The following ADGRV1 variants were observed in gnomAD, a reference collection of about 807,000 sequenced individuals.
ADGRV1 encodes the protein G-protein coupled receptor 98.
In ADGRV1, 359 loss-of-function variants were observed where a neutral mutation model predicts 596.2. The ratio of observed to expected loss-of-function variants is 0.60; its 90% confidence interval spans 0.55 to 0.66. The LOEUF (loss-of-function observed/expected upper bound fraction) is 0.66. ADGRV1 is among the 30% of genes least tolerant of loss of function. The probability of loss-of-function intolerance (pLI) is 0.00; values close to 1 mark genes in which losing one functional copy is unlikely to be tolerated. For synonymous variants in ADGRV1, 2,681 were observed against 2,679.2 expected, an observed-to-expected ratio of 1.00 and a Z score of -0.02; for missense variants, 7,274 against 7,575.6, an observed-to-expected ratio of 0.96 and a Z score of 1.48.
At chr5:90,853,209 A>G (rs1159916541) in intron 79 of ADGRV1, 75 bp from the exon 80 acceptor site, 1 of 1,385,050 alleles carries the variant, frequency 7.2e-7, no homozygotes, top group African/African-American at 1.4e-5. Context: ...AGTGTAATGC[A>G]CTTTAACAAA....
At chr5:90,855,551 C>T (rs189547851) in intron 81 of ADGRV1, among the ~76,000 whole-genome samples, 190 bp from the exon 82 acceptor site, 27 of 152,292 alleles carry the variant, frequency 1.8e-4, no homozygotes, top group Admixed American at 1.7e-3. Context: ...CTTCTTAAGA[C>T]ATCCTGTGGA....
At chr5:90,900,329 CT>C (rs76476613) in intron 83 of ADGRV1, among the ~76,000 whole-genome samples, 1,306 of 127,348 alleles carry the variant, frequency 0.01, 5 homozygotes, top group South Asian at 0.024. Flanking sequence ...CATTGCCATT[CT>C]TTTTTTTTTT....
intron 1 of ADGRV1, among the ~76,000 whole-genome samples, chr5:90,588,932 G>A (rs1478475538): frequency 6.6e-6 from 1 of 152,110 alleles, no homozygotes; most frequent in Non-Finnish European, 1.5e-5. Flanking sequence ...AGAATTCTCA[G>A]CTGATTTTGC....
At chr5:90,993,059 A>G (rs1781099123) in intron 85 of ADGRV1, among the ~76,000 whole-genome samples, 2 of 147,072 alleles carry the variant, frequency 1.4e-5, no homozygotes, top group Admixed American at 1.4e-4. Flanking sequence ...TCTTTTTTCT[A>G]CTCTGAAATC....
chr5:90,728,932 A>C lies in ADGRV1; in HGVS notation c.10425A>C (p.Leu3475=). 1 of 1,596,746 alleles carries C rather than the reference A, an allele frequency of 6.3e-7. No individual in the cohort carries two copies. Among genetic ancestry groups the C allele is most frequent in the Non-Finnish European group, 8.6e-7 (1 of 1,166,562 alleles). The change falls in exon 49 of 90, where the codon CTA becomes CTC. Residue 3475 remains leucine, a splice_region_variant and synonymous_variant. Transcript: ENST00000405460. ...TAATATTTGCCGAAAATGTCTTTCT[A>C]GGTGAGAAGATAAAGTATTTGTAGT... ...IYLIFAENVF[L]GDQNSIDIFI...
chr5:90,676,000 C>T, intron 24 of ADGRV1, 80 bp from the exon 25 acceptor site: 1 of 1,164,160 alleles, frequency 8.6e-7, no homozygotes, highest in Non-Finnish European at 1.2e-6. Context: ...TCTGATTTTA[C>T]AAATTTGTGT....
intron 87 of ADGRV1, among the ~76,000 whole-genome samples, chr5:91,113,937 T>C (rs983743409): frequency 2.2e-5 from 3 of 138,036 alleles, no homozygotes; most frequent in Non-Finnish European, 3.1e-5. Context: ...AGAAAAAAAA[T>C]GCCAGGTGCA....
intron 85 of ADGRV1, among the ~76,000 whole-genome samples, chr5:91,055,391 T>G (rs977940173): frequency 1.0e-4 from 10 of 96,252 alleles, no homozygotes; most frequent in Non-Finnish European, 2.4e-4. Flanking sequence ...ATTTGCATAC[T>G]AAAGTTAATG....
At chr5:90,817,790 A>C (rs1041519504) in intron 75 of ADGRV1, among the ~76,000 whole-genome samples, 6 of 152,154 alleles carry the variant, frequency 3.9e-5, no homozygotes, top group African/African-American at 1.2e-4. Flanking sequence ...TTTTGGTACC[A>C]GTACCATGCT....
chr5:90,679,543 G>A lies in ADGRV1; in HGVS notation c.5444-6G>A, dbSNP rs772230235. ...GTGGGTTGTGTCTCTGTGTCTCCTT[G>A]TGAAGTAGCTGAACTCTTTAGGGTT... is the stretch of plus-strand genomic sequence containing the variant. On this transcript the variant is annotated splice_region_variant and splice_polypyrimidine_tract_variant and intron_variant, in intron 25 of 89. Coordinates refer to ENST00000405460, the MANE Select transcript of ADGRV1 (RefSeq NM_032119.4). 1 of 1,609,916 alleles carries A rather than the reference G, an allele frequency of 6.2e-7. No individual in the cohort carries two copies. The highest frequency in any genetic ancestry group is 8.5e-7 in the Non-Finnish European group (1 of 1,176,558).
chr5:90,677,548 T>C (rs894385215), intron 25 of ADGRV1, among the ~76,000 whole-genome samples: 3 of 152,206 alleles, frequency 2.0e-5, no homozygotes, highest in Non-Finnish European at 4.4e-5. Flanking sequence ...AAAATCCTTA[T>C]GTAATAGAAA....
At chr5:91,116,915 T>C (rs944067320) in intron 87 of ADGRV1, among the ~76,000 whole-genome samples, 6 of 152,196 alleles carry the variant, frequency 3.9e-5, no homozygotes, top group Admixed American at 3.9e-4. Context: ...GCTCATTACC[T>C]TCATAAAGAA....
Position 90,781,527 on chromosome 5 carries a change from G to C in ADGRV1, c.13180G>C (p.Asp4394His). The C allele has an allele frequency of 6.2e-7, 1 of 1,611,640 alleles. No homozygotes were observed. Among genetic ancestry groups the C allele is most frequent in the Non-Finnish European group, 8.5e-7 (1 of 1,178,698 alleles). Residue 4394 changes from aspartate (D) to histidine (H), a missense_variant, in exon 65 of 90, where the codon GAT (aspartate) becomes CAT (histidine). Asp to His is a moderately conservative substitution (Grantham distance 81, BLOSUM62 -1). Coordinates refer to ENST00000405460, the MANE Select transcript of ADGRV1 (RefSeq NM_032119.4). ...TGTTCGCATCATAATAATGAAAAAT[G>C]ATAACGCAGAAGGCATCATTGAATT... The part of the protein sequence containing the change: ...SIVRIIIMKN[D>H]NAEGIIEFDP...
chr5:90,567,897 G>A (rs1378325706), intron 1 of ADGRV1, among the ~76,000 whole-genome samples: 3 of 151,728 alleles, frequency 2.0e-5, no homozygotes, highest in Non-Finnish European at 4.4e-5. Context: ...CTGCCACCAC[G>A]CCCAGCTAAT....
rs780717997 is a variant in ADGRV1 at position 90,699,811 on chromosome 5, C to T, written c.8155+2665C>T. ...TCACCTGAAAACAATATTGTAGCCT[C>T]GTCAGTTTCCAACAGCTAATTATCT... On this transcript the variant is annotated intron_variant, in intron 34 of 89. Coordinates refer to ENST00000405460, the MANE Select transcript of ADGRV1 (RefSeq NM_032119.4). Among the ~76,000 whole-genome samples the T allele has an allele frequency of 5.9e-5, 9 of 152,020 alleles. 1 individual carries two copies. Among genetic ancestry groups the T allele is most frequent in the South Asian group, 4.2e-4 (2 of 4,802 alleles).
chr5:90,836,666 A>G (rs2438381), intron 77 of ADGRV1, among the ~76,000 whole-genome samples: 149,950 of 152,306 alleles, frequency 0.98, 73,851 homozygotes, highest in East Asian at 1. Context: ...CTGTATCAAT[A>G]ACAAAATCCT....
At chr5:90,982,623 C>G (rs1780168113) in intron 84 of ADGRV1, among the ~76,000 whole-genome samples, 2 of 152,214 alleles carry the variant, frequency 1.3e-5, no homozygotes, top group Admixed American at 1.3e-4. Flanking sequence ...GCATTCTTCT[C>G]TACTAACACA....
chr5:90,793,517 C>G (rs1192521461), intron 70 of ADGRV1, among the ~76,000 whole-genome samples: 2 of 152,184 alleles, frequency 1.3e-5, no homozygotes, highest in African/African-American at 4.8e-5. Context: ...TACAAAATTG[C>G]TCTCAGGCAT....
chr5:90,620,027 T>C (rs964187951), intron 4 of ADGRV1, among the ~76,000 whole-genome samples: 1 of 151,968 alleles, frequency 6.6e-6, no homozygotes, highest in Non-Finnish European at 1.5e-5. Context: ...TGGTTCCAAG[T>C]CTTTGCTATT....
Sources: gnomAD v4.1 joint callset for allele counts (sites outside exome capture counted in the v4.1 genomes callset) on GRCh38, gnomAD v4.1.1 for gene constraint, MANE v1.5 for transcripts, NCBI Gene and HGNC (gene_info 2026-07-23, HGNC 2026-07-21) for gene names.